CA5A: variants seen among roughly 807,000 people sequenced by gnomAD.
CA5A encodes carbonic anhydrase 5A.
CA5A carries 28 observed loss-of-function variants against 37.1 expected under a neutral mutation model. The observed-to-expected ratio is 0.75, with a 90% confidence interval of 0.56 to 1.03. The LOEUF (loss-of-function observed/expected upper bound fraction) is 1.03, where lower values mean the gene tolerates loss of function less well. Among genes scored for constraint, CA5A ranks in the 50% least tolerant of loss-of-function variants. The pLI, the probability that CA5A is intolerant of heterozygous loss-of-function variation, is 0.00. For synonymous variants in CA5A, 171 were observed against 158.4 expected (o/e 1.08, Z -0.60); for missense variants, 444 against 399.9 (o/e 1.11, Z -0.94).
chr16:87,905,351 T>C (rs1160640011), intron 2 of CA5A, among the ~76,000 whole-genome samples: 1 of 152,200 alleles, frequency 6.6e-6, no homozygotes, highest in Non-Finnish European at 1.5e-5. Flanking sequence ...AGCAAAGTTT[T>C]TGTTTTGTCT....
chr16:87,891,440 C>G (rs1005340475), intron 6 of CA5A, among the ~76,000 whole-genome samples: 1 of 151,126 alleles, frequency 6.6e-6, no homozygotes, highest in African/African-American at 2.4e-5. Context: ...TGCACTCCAG[C>G]CTGGGCGATA....
chr16:87,932,783 TCA>T (rs943151090), intron 1 of CA5A, among the ~76,000 whole-genome samples: 2 of 152,176 alleles, frequency 1.3e-5, no homozygotes, highest in East Asian at 1.9e-4. Context: ...CGATGCATTC[TCA>T]GTCTCCAGGT....
chr16:87,914,808 C>A (rs2056109686), intron 2 of CA5A, among the ~76,000 whole-genome samples: 1 of 152,182 alleles, frequency 6.6e-6, no homozygotes, highest in Non-Finnish European at 1.5e-5. Flanking sequence ...GGGCCACCGT[C>A]CCCTAAGTGT....
intron 6 of CA5A, among the ~76,000 whole-genome samples, chr16:87,891,362 G>A (rs1481318225): frequency 2.6e-5 from 4 of 151,752 alleles, no homozygotes; most frequent in African/African-American, 9.7e-5. Context: ...CAGCTATTTG[G>A]GAGGCTGAGG....
intron 5 of CA5A, among the ~76,000 whole-genome samples, chr16:87,899,629 G>T (rs1372322683): frequency 6.7e-6 from 1 of 149,790 alleles, no homozygotes; most frequent in East Asian, 2.1e-4. Context: ...TTTCTCAAAG[G>T]TCTAACTCGG....
chr16:87,933,694 A>G (rs1470785171), intron 1 of CA5A, among the ~76,000 whole-genome samples: 2 of 152,142 alleles, frequency 1.3e-5, no homozygotes, highest in Admixed American at 1.3e-4. Flanking sequence ...TTCTAAAATT[A>G]TCACTGAGCG....
intron 2 of CA5A, among the ~76,000 whole-genome samples, chr16:87,908,735 G>C (rs1020968505): frequency 5.3e-5 from 8 of 152,220 alleles, no homozygotes; most frequent in Non-Finnish European, 8.8e-5. Flanking sequence ...AGGGTTTCCA[G>C]CAGGGCTGGA....
intron 6 of CA5A, 99 bp from the exon 7 acceptor site, chr16:87,888,371 T>A: frequency 2.8e-6 from 3 of 1,058,058 alleles, no homozygotes; most frequent in South Asian, 1.6e-5. Context: ...CCATGCTGAA[T>A]CAGGATGGCC....
intron 2 of CA5A, among the ~76,000 whole-genome samples, chr16:87,909,170 G>T (rs1279061703): frequency 6.6e-6 from 1 of 151,950 alleles, no homozygotes; most frequent in Non-Finnish European, 1.5e-5. Flanking sequence ...CTGATGGGCC[G>T]GATCCCCCGC....
chr16:87,894,892 G>A (rs998798186), intron 5 of CA5A, among the ~76,000 whole-genome samples: 10 of 151,940 alleles, frequency 6.6e-5, no homozygotes, highest in Admixed American at 3.3e-4. Context: ...AACAACAGCA[G>A]CAGCAGCAAA....
chr16:87,930,381 G>C (rs1419512233), intron 1 of CA5A, among the ~76,000 whole-genome samples: 1 of 152,166 alleles, frequency 6.6e-6, no homozygotes, highest in African/African-American at 2.4e-5. Context: ...CTCTGCTAGA[G>C]CTTCTGGCTG....
chr16:87,907,244 C>T (rs749248960), intron 2 of CA5A, among the ~76,000 whole-genome samples: 10 of 152,014 alleles, frequency 6.6e-5, no homozygotes, highest in Admixed American at 1.3e-4. Flanking sequence ...CGTGAGCCAC[C>T]GTGCCTGGCC....
chr16:87,915,037 C>T (rs2056115077), intron 2 of CA5A, among the ~76,000 whole-genome samples: 3 of 152,238 alleles, frequency 2.0e-5, no homozygotes, highest in Admixed American at 6.5e-5. Context: ...CCAGCTCCAT[C>T]CTGAGCGTTT....
chr16:87,904,961 T>A, intron 2 of CA5A, 57 bp from the exon 3 acceptor site: 1 of 1,108,946 alleles, frequency 9.0e-7, no homozygotes. Flanking sequence ...TGAGCTGTGG[T>A]GTTACCTGAG....
intron 5 of CA5A, chr16:87,893,143 TTTC>T (rs1159441595): frequency 3.1e-4 from 143 of 457,272 alleles, no homozygotes; most frequent in Middle Eastern, 2.0e-3. Context: ...TCTTTCTTTC[TTTC>T]TTTTTTTTTT....
intron 1 of CA5A, among the ~76,000 whole-genome samples, chr16:87,934,906 G>A (rs922423501): frequency 1.3e-5 from 2 of 151,966 alleles, no homozygotes; most frequent in African/African-American, 2.4e-5. Context: ...GCTGCAGTGA[G>A]CCGAGATCGC....
At chr16:87,934,306 C>T (rs541279032) in intron 1 of CA5A, among the ~76,000 whole-genome samples, 16 of 152,360 alleles carry the variant, frequency 1.1e-4, no homozygotes, top group East Asian at 5.8e-4. Flanking sequence ...TGGTGGCTCA[C>T]GCCTGCAATC....
chr16:87,913,305 CTTT>C (rs56257660), intron 2 of CA5A, among the ~76,000 whole-genome samples: 4 of 133,268 alleles, frequency 3.0e-5, no homozygotes, highest in Admixed American at 7.4e-5. Context: ...ATGTTCCAGT[CTTT>C]TTTTTTTTTT....
chr16:87,918,343 CTGT>C (rs1379279455), intron 2 of CA5A, among the ~76,000 whole-genome samples: 1 of 152,176 alleles, frequency 6.6e-6, no homozygotes, highest in Non-Finnish European at 1.5e-5. Flanking sequence ...GATCTGGCTG[CTGT>C]TTTCCTTTGT....
Sources: allele counts gnomAD v4.1 joint callset (sites outside exome capture counted in the v4.1 genomes callset), GRCh38; gene constraint gnomAD v4.1.1; transcripts MANE v1.5; gene names NCBI Gene and HGNC (gene_info 2026-07-23, HGNC 2026-07-21).